Variants in PIKFYVE observed in about 807,000 individuals in gnomAD.
PIKFYVE encodes phosphoinositide kinase, FYVE-type zinc finger containing.
Under a neutral mutation model 257.9 loss-of-function variants are expected in PIKFYVE, and 122 were observed. The observed-to-expected ratio is 0.47, with a 90% confidence interval of 0.41 to 0.55. PIKFYVE has a LOEUF of 0.55. Among genes scored for constraint, PIKFYVE ranks in the 20% least tolerant of loss-of-function variants. PIKFYVE has a pLI of 0.00. For synonymous variants in PIKFYVE, 892 were observed against 868.9 expected, an observed-to-expected ratio of 1.03 and a Z score of -0.47; for missense variants, 2,160 against 2,536.6, an observed-to-expected ratio of 0.85 and a Z score of 3.19.
Position 208,325,991 on chromosome 2 carries a change from C to A in PIKFYVE, c.3180C>A (p.Ile1060=). ...TGATCCTCTGTATCTCCCCAGTAAT[C>A]ACATTCCGAGAACCCTTTCTTTTAA... ...KDVILCISPV[I]TFREPFLLTE... is the part of the protein sequence containing the mutation. The change falls in exon 20 of 42, where the codon ATC becomes ATA. Residue 1060 remains isoleucine (I), a synonymous_variant. Transcript: ENST00000264380. 1 of 1,614,142 alleles carries A rather than the reference C, an allele frequency of 6.2e-7. No individual in the cohort carries two copies.
rs747406633 is a variant in PIKFYVE at position 208,315,355 on chromosome 2, G to A, written c.1989G>A (p.Gln663=). The A allele has an allele frequency of 3.7e-6, 6 of 1,614,142 alleles. No individual in the cohort carries two copies. In the South Asian group the frequency reaches 6.6e-5, roughly 18 times the overall value. The stretch of plus-strand genomic sequence containing the variant: ...AGGATGATGACATGGATATCCGTCA[G>A]TTTGTCCACATCAAAAAAGTGAGCT... ...KNQDDDMDIR[Q]FVHIKKIPGG... is the part of the protein sequence containing the mutation. Residue 663 remains glutamine, a synonymous_variant, in exon 15 of 42, where the codon CAG becomes CAA. Coordinates refer to ENST00000264380, the MANE Select transcript of PIKFYVE (RefSeq NM_015040.4).
At position 208,328,277 on chromosome 2, in the gene PIKFYVE, C is replaced by G. The variant is rs1339393962; in HGVS notation, c.3716C>G (p.Pro1239Arg). 1 of 1,613,606 alleles carries G rather than the reference C, an allele frequency of 6.2e-7. No individual in the cohort carries two copies. Among genetic ancestry groups the G allele is most frequent in the South Asian group, 1.1e-5 (1 of 91,072 alleles). Residue 1239 changes from proline (P) to arginine (R), a missense_variant, in exon 21 of 42, where the codon CCT becomes CGT. This residue lies in a region of PIKFYVE where 522 missense variants were observed against 514.6 expected (regional missense o/e 1.01). Transcript: ENST00000264380. ...SSNAPSACVS[P>R]WIVTMEFYGK... ...AATGCTCCTAGTGCCTGTGTCAGTC[C>G]TTGGTAGGATTCTTTTCCCCCTACA...
intron 32 of PIKFYVE, 145 bp downstream of exon 32, chr2:208,342,794 C>CATT: frequency 2.6e-6 from 1 of 379,022 alleles, no homozygotes; most frequent in Non-Finnish European, 4.7e-6. Flanking sequence ...ATAGCTTGTT[C>CATT]TTTTTTTTTT....
At chr2:208,330,410 C>A in intron 22 of PIKFYVE, 113 bp from the exon 23 acceptor site, 2 of 1,281,058 alleles carry the variant, frequency 1.6e-6, no homozygotes, top group Non-Finnish European at 2.2e-6. Context: ...GCTGCAGGCT[C>A]AGAGCAGCAT....
intron 12 of PIKFYVE, among the ~76,000 whole-genome samples, chr2:208,311,302 TC>T (rs1450116783): frequency 1.3e-5 from 2 of 152,170 alleles, no homozygotes; most frequent in Non-Finnish European, 2.9e-5. Context: ...GCCCACATAC[TC>T]GATTTTATTG....
intron 5 of PIKFYVE, among the ~76,000 whole-genome samples, chr2:208,279,022 C>T (rs531323116): frequency 6.6e-6 from 1 of 152,322 alleles, no homozygotes; most frequent in South Asian, 2.1e-4. Flanking sequence ...ACATTCCCAT[C>T]AGCAGTGTAT....
intron 17 of PIKFYVE, among the ~76,000 whole-genome samples, 172 bp downstream of exon 17, chr2:208,320,531 G>A (rs1019645198): frequency 6.6e-6 from 1 of 152,088 alleles, no homozygotes; most frequent in Non-Finnish European, 1.5e-5. Flanking sequence ...AGTATTAAAG[G>A]TAACATGTGA....
intron 4 of PIKFYVE, 32 bp downstream of exon 4, chr2:208,276,862 T>C: frequency 1.3e-6 from 2 of 1,555,400 alleles, no homozygotes; most frequent in Non-Finnish European, 1.8e-6. Flanking sequence ...AGATTACTTA[T>C]TAAGCGCTTA....
chr2:208,335,500 T>A, intron 25 of PIKFYVE, 81 bp downstream of exon 25: 1 of 1,209,924 alleles, frequency 8.3e-7, no homozygotes, highest in Non-Finnish European at 1.2e-6. Context: ...TTTATTTTCT[T>A]TGAAAATGTA....
rs1025147832 is a variant in PIKFYVE at position 208,356,245 on chromosome 2, T to G, written c.*940T>G. The stretch of plus-strand genomic sequence containing the variant: ...ACTTGTTTTATTCACAGAGGTAAAG[T>G]GTCTTTTCAATATAACCAGCAATTT... On this transcript the variant is annotated 3_prime_UTR_variant, in exon 42 of 42. Transcript: ENST00000264380. 6.6e-6 allele frequency: 1 copy of G among 152,224 alleles called. No homozygotes were observed. Among genetic ancestry groups the G allele is most frequent in the Non-Finnish European group, 1.5e-5 (1 of 68,040 alleles). 9.4% of individuals were successfully genotyped at this position (152,224 alleles called of 1,614,324 possible).
intron 5 of PIKFYVE, among the ~76,000 whole-genome samples, chr2:208,283,071 G>T (rs1019092067): frequency 2.0e-5 from 3 of 152,042 alleles, no homozygotes; most frequent in Non-Finnish European, 4.4e-5. Context: ...TGTGCGGCTC[G>T]GTTCCTAACA....
intron 5 of PIKFYVE, among the ~76,000 whole-genome samples, chr2:208,285,323 T>A (rs1201529309): frequency 1.3e-5 from 2 of 152,198 alleles, no homozygotes; most frequent in African/African-American, 4.8e-5. Context: ...CTTGAACTCC[T>A]GACCTCAGGT....
At chr2:208,272,454 G>T (rs1371556199) in intron 2 of PIKFYVE, among the ~76,000 whole-genome samples, 1 of 152,124 alleles carries the variant, frequency 6.6e-6, no homozygotes, top group Non-Finnish European at 1.5e-5. Context: ...TCAAAAATTG[G>T]AAGCTGTCAG....
At position 208,355,878 on chromosome 2, in the gene PIKFYVE, GTTGT is replaced by G. The variant is rs1237620431; in HGVS notation, c.*576_*579del. On this transcript the variant is annotated 3_prime_UTR_variant, in exon 42 of 42. Transcript: ENST00000264380. ...TGACTTAAACTGGGAATCCTGTCAT[GTTGT>G]TTATCTTTCCAGCTTGCCTGTTTTT... The G allele has an allele frequency of 6.6e-6, 1 of 152,588 alleles. No individual in the cohort carries two copies. The highest frequency in any genetic ancestry group is 1.5e-5 in the Non-Finnish European group (1 of 68,082). 9.5% of individuals were successfully genotyped at this position (152,588 alleles called of 1,614,324 possible).
chr2:208,279,891 T>G (rs1271388520), intron 5 of PIKFYVE, among the ~76,000 whole-genome samples: 1 of 152,198 alleles, frequency 6.6e-6, no homozygotes, highest in African/African-American at 2.4e-5. Context: ...AGAGCCTGAA[T>G]AGCCAAAACA....
intron 7 of PIKFYVE, among the ~76,000 whole-genome samples, chr2:208,290,357 A>G (rs1692149841): frequency 2.0e-5 from 3 of 152,180 alleles, no homozygotes; most frequent in Non-Finnish European, 4.4e-5. Context: ...AGAATGCCAT[A>G]TAGTTGGAAT....
chr2:208,302,673 T>C, intron 10 of PIKFYVE: 1 of 336,974 alleles, frequency 3.0e-6, no homozygotes, highest in Non-Finnish European at 5.7e-6. Flanking sequence ...CATTTAACTT[T>C]AATGGTTTTT....
chr2:208,319,292 T>C (rs1331402409), intron 16 of PIKFYVE, among the ~76,000 whole-genome samples: 1 of 152,228 alleles, frequency 6.6e-6, no homozygotes, highest in Admixed American at 6.5e-5. Flanking sequence ...AAAATATACT[T>C]GGCTTGAGTT....
chr2:208,317,895 T>A lies in PIKFYVE; in HGVS notation c.2036T>A (p.Val679Glu), dbSNP rs1368118250. The A allele has an allele frequency of 6.2e-7, 1 of 1,613,956 alleles. No homozygotes were observed. The highest frequency in any genetic ancestry group is 1.1e-5 in the South Asian group (1 of 91,078). The change falls in exon 16 of 42, where the codon GTG becomes GAG. Residue 679 changes from valine to glutamate, a missense_variant. This residue lies in a region of PIKFYVE where 346 missense variants were observed against 365.6 expected (regional missense o/e 0.95). Coordinates refer to ENST00000264380, the MANE Select transcript of PIKFYVE (RefSeq NM_015040.4). ...KIPGGKKFDS[V>E]VVNGFVCTKN... Reference sequence around the variant, plus strand: ...CCAGGTGGAAAGAAGTTTGATTCTGTGGTTGTCAATGGCTTTGTTTGTACC... The same window carrying A: ...CCAGGTGGAAAGAAGTTTGATTCTGAGGTTGTCAATGGCTTTGTTTGTACC...
Sources: gnomAD v4.1 joint callset for allele counts (sites outside exome capture counted in the v4.1 genomes callset) on GRCh38, gnomAD v4.1.1 for gene constraint, gnomAD v4.1.1 regional missense constraint, MANE v1.5 for transcripts, NCBI Gene and HGNC (gene_info 2026-07-23, HGNC 2026-07-21) for gene names.